NDUFS1: variants seen among roughly 807,000 people sequenced by gnomAD.
NDUFS1 encodes NADH-ubiquinone oxidoreductase 75 kDa subunit, mitochondrial.
In NDUFS1, 61 loss-of-function variants were observed where a neutral mutation model predicts 84.4. The observed-to-expected ratio is 0.72, with a 90% CI of 0.59 to 0.89. The LOEUF is 0.89. Ranked by LOEUF, NDUFS1 falls within the 40% of genes least tolerant of loss-of-function variation. The probability of loss-of-function intolerance (pLI) is 0.00; values close to 1 mark genes in which losing one functional copy is unlikely to be tolerated. For missense variants in NDUFS1, 891 were observed against 890.0 expected (o/e 1.00, Z -0.01); for synonymous variants, 275 against 290.0 (o/e 0.95, Z 0.53).
chr2:206,152,418 C>A lies in NDUFS1; in HGVS notation c.153+1G>T. The A allele has an allele frequency of 6.2e-7, 1 of 1,613,202 alleles. No homozygotes were observed. The highest frequency in any genetic ancestry group is 8.5e-7 in the Non-Finnish European group (1 of 1,179,178). On this transcript the variant is annotated splice_donor_variant, in intron 3 of 18. Coordinates refer to ENST00000233190, the MANE Select transcript of NDUFS1 (RefSeq NM_005006.7). LOFTEE classifies it high-confidence loss of function. ...ACAAAATAGTTAGAATGTATGCCTA[C>A]TTGGAGGACGGTCGTTCCCGGTTCC... is the stretch of plus-strand genomic sequence containing the variant.
chr2:206,155,792 G>T (rs903360422), intron 1 of NDUFS1, among the ~76,000 whole-genome samples: 2 of 151,550 alleles, frequency 1.3e-5, no homozygotes, highest in African/African-American at 2.4e-5. Context: ...GACCTCAGGT[G>T]ATCCACCTGC....
rs1394413077 is a variant in NDUFS1 at position 206,117,987 on chromosome 2, T to C, written c.*6198A>G. ...TAATCACCAGTCTCAGATCATATAT[T>C]TGCCATTTCCAACATATGCTTTTAG... On this transcript the variant is annotated 3_prime_UTR_variant, in exon 19 of 19. Transcript: ENST00000233190. 2.0e-5 allele frequency: 3 copies of C among 152,228 alleles called. No homozygotes were observed. The highest frequency in any genetic ancestry group is 4.8e-5 in the African/African-American group (2 of 41,462). The allele number at this position is 152,228 out of a possible 1,614,324, so 9.4% of individuals were successfully genotyped here.
rs367698885 is a variant in NDUFS1, at chr2:206,147,028, C to G, written c.612G>C (p.Met204Ile). The stretch of plus-strand genomic sequence containing the variant: ...TCTTTTCAATGTATGTGCCAACTTG[C>G]ATATCATTTCCTCTGCCTGTTGTTC... ...DLGTTGRGND[M>I]QVGTYIEKMF... Residue 204 changes from methionine to isoleucine, a missense_variant, in exon 8 of 19, where the codon ATG (methionine) becomes ATC (isoleucine). By Grantham distance (10) the Met-to-Ile change is conservative. Coordinates refer to ENST00000233190, the MANE Select transcript of NDUFS1 (RefSeq NM_005006.7). The G allele has an allele frequency of 6.2e-7, 1 of 1,614,024 alleles. No homozygotes were observed. Among genetic ancestry groups the G allele is most frequent in the African/African-American group, 1.3e-5 (1 of 74,920 alleles).
chr2:206,128,483 T>G (rs1425664690), intron 15 of NDUFS1, among the ~76,000 whole-genome samples: 1 of 150,786 alleles, frequency 6.6e-6, no homozygotes, highest in African/African-American at 2.4e-5. Context: ...AAATTATTGT[T>G]AAAGCATTTG....
At chr2:206,131,614 G>A (rs1222834053) in intron 14 of NDUFS1, among the ~76,000 whole-genome samples, 1 of 151,392 alleles carries the variant, frequency 6.6e-6, no homozygotes, top group African/African-American at 2.4e-5. Flanking sequence ...CCAGCCTGGC[G>A]AACATGGTGA....
intron 11 of NDUFS1, 114 bp from the exon 12 acceptor site, chr2:206,142,183 G>C: frequency 1.1e-6 from 1 of 870,420 alleles, no homozygotes; most frequent in South Asian, 1.5e-5. Context: ...AAAATTTTAT[G>C]AAGTATTTCT....
Position 206,158,230 on chromosome 2 carries a change from G to A in NDUFS1, c.-5+1111C>T, listed in dbSNP as rs188630743. Among the ~76,000 whole-genome samples the A allele has an allele frequency of 4.2e-3, 634 of 152,198 alleles. 2 individuals carry two copies. Among genetic ancestry groups the A allele is most frequent in the Non-Finnish European group, 7.5e-3 (513 of 68,000 alleles). On this transcript the variant is annotated intron_variant, in intron 1 of 18. Coordinates refer to ENST00000233190, the MANE Select transcript of NDUFS1 (RefSeq NM_005006.7). ...GCCCGCCTCGGCCTCCCAAAGTGGT[G>A]GGATTACAGGAGTGAGCCACCGCCT...
chr2:206,127,642 T>A (rs894462847), intron 16 of NDUFS1, 155 bp downstream of exon 16: 2 of 796,912 alleles, frequency 2.5e-6, no homozygotes, highest in Non-Finnish European at 4.0e-6. Context: ...TAACCTTGAA[T>A]TCCTGTTTCT....
At chr2:206,151,463 T>C (rs1462909255) in intron 3 of NDUFS1, among the ~76,000 whole-genome samples, 3 of 152,178 alleles carry the variant, frequency 2.0e-5, no homozygotes, top group Non-Finnish European at 4.4e-5. Context: ...AGGCACCCAA[T>C]ACCTCTTTCT....
At position 206,115,989 on chromosome 2, in the gene NDUFS1, AG is replaced by A. The variant is rs1690933629; in HGVS notation, c.*8195del. 2 of 723,204 alleles carry A rather than the reference AG, an allele frequency of 2.8e-6. No individual in the cohort carries two copies. The highest frequency in any genetic ancestry group is 4.0e-5 in the Admixed American group (2 of 50,042). The allele number at this position is 723,204 out of a possible 1,614,324, so 44.8% of individuals were successfully genotyped here. ...TTCTTTCATTAGCAGTGTTAACAGTAGTTTTTTTTTCCCATGGGTAATGCTA... is the reference window on the plus strand; with the variant it reads ...TTCTTTCATTAGCAGTGTTAACAGTATTTTTTTTTCCCATGGGTAATGCTA... On this transcript the variant is annotated 3_prime_UTR_variant, in exon 19 of 19. Transcript: ENST00000233190.
chr2:206,128,921 T>G (rs1247485995), intron 15 of NDUFS1, among the ~76,000 whole-genome samples: 1 of 151,856 alleles, frequency 6.6e-6, no homozygotes, highest in Admixed American at 6.6e-5. Flanking sequence ...ACTGCTCAGA[T>G]GTACCAGTTT....
rs1452711330 is a variant in NDUFS1, at chr2:206,144,933, C to T, written c.831G>A (p.Met277Ile). ...TGEVMRILPRMHEDINEEWIS... is the reference protein window; with the variant it reads ...TGEVMRILPRIHEDINEEWIS... ...TCCACTCTTCATTGATGTCCTCATG[C>T]ATACGTGGCAAAATCCTCATCACTT... Residue 277 changes from methionine to isoleucine, a missense_variant, in exon 9 of 19, where the codon ATG (methionine) becomes ATA (isoleucine). By Grantham distance (10) the Met-to-Ile change is conservative (BLOSUM62 1). Coordinates refer to ENST00000233190, the MANE Select transcript of NDUFS1 (RefSeq NM_005006.7). 6.2e-7 allele frequency: 1 copy of T among 1,614,106 alleles called. No individual in the cohort carries two copies. The highest frequency in any genetic ancestry group is 1.7e-5 in the Admixed American group (1 of 60,012).
At chr2:206,157,888 C>G (rs1363639239) in intron 1 of NDUFS1, among the ~76,000 whole-genome samples, 1 of 151,870 alleles carries the variant, frequency 6.6e-6, no homozygotes, top group South Asian at 2.1e-4. Context: ...ATGGATCCAT[C>G]CATTTACTTC....
Position 206,149,807 on chromosome 2 carries a change from G to A in NDUFS1, c.261+11C>T, listed in dbSNP as rs776983604. The A allele has an allele frequency of 3.1e-6, 5 of 1,592,796 alleles. No homozygotes were observed. Among genetic ancestry groups the A allele is most frequent in the South Asian group, 1.1e-5 (1 of 90,670 alleles). On this transcript the variant is annotated intron_variant, in intron 4 of 18. Coordinates refer to ENST00000233190, the MANE Select transcript of NDUFS1 (RefSeq NM_005006.7). ...TCTACAGCATGGTGTAGAATTTTAG[G>A]TATCAAGTACCTTAGGGGCTTTCTC...
intron 18 of NDUFS1, 75 bp downstream of exon 18, chr2:206,126,464 T>C (rs1285428650): frequency 7.4e-7 from 1 of 1,348,872 alleles, no homozygotes; most frequent in African/African-American, 1.4e-5. Context: ...CAAATTGGAA[T>C]TATAACACCA....
rs959188976 is a variant in NDUFS1 at position 206,123,916 on chromosome 2, A to C, written c.*269T>G. The C allele has an allele frequency of 6.4e-5, 21 of 327,400 alleles. No homozygotes were observed. Among genetic ancestry groups the C allele is most frequent in the Non-Finnish European group, 9.9e-5 (18 of 181,944 alleles). The allele number at this position is 327,400 out of a possible 1,614,324, so 20.3% of individuals were successfully genotyped here. A position where few individuals can be genotyped will look rare whatever the true frequency, so the allele number is the denominator to read the frequency against. ...AGATAAGCCAACAACTCATAATTTA[A>C]GGATCTCTTTATGTTCGTCACAAAG... is the stretch of plus-strand genomic sequence containing the variant. On this transcript the variant is annotated 3_prime_UTR_variant, in exon 19 of 19. Coordinates refer to ENST00000233190, the MANE Select transcript of NDUFS1 (RefSeq NM_005006.7).
intron 15 of NDUFS1, among the ~76,000 whole-genome samples, chr2:206,129,882 G>A (rs1342456260): frequency 6.6e-6 from 1 of 151,808 alleles, no homozygotes; most frequent in Non-Finnish European, 1.5e-5. Flanking sequence ...GTGAGCCACC[G>A]CACCCGGCAG....
chr2:206,143,387 G>A (rs1692038177), intron 10 of NDUFS1, among the ~76,000 whole-genome samples: 1 of 152,102 alleles, frequency 6.6e-6, no homozygotes, highest in East Asian at 1.9e-4. Flanking sequence ...AGGAACAAAG[G>A]CACTTCAAAA....
At chr2:206,152,864 C>T (rs1167775111) in intron 2 of NDUFS1, among the ~76,000 whole-genome samples, 2 of 151,962 alleles carry the variant, frequency 1.3e-5, no homozygotes, top group African/African-American at 4.8e-5. Flanking sequence ...ACCACCACGC[C>T]CGCTAATTTT....
Sources: allele counts gnomAD v4.1 joint callset (sites outside exome capture counted in the v4.1 genomes callset), GRCh38; gene constraint gnomAD v4.1.1; transcripts MANE v1.5; gene names NCBI Gene and HGNC (gene_info 2026-07-23, HGNC 2026-07-21).